SLC9B1: variants seen among roughly 807,000 people sequenced by gnomAD.
SLC9B1 encodes solute carrier family 9 member B1, also known as sodium/hydrogen exchanger 9B1.
A neutral mutation model predicts 51.7 loss-of-function variants in SLC9B1; 32 were observed. That is an observed-to-expected ratio of 0.62 (90% confidence interval 0.47 to 0.83). The LOEUF is 0.83. Among genes scored for constraint, SLC9B1 ranks in the 40% least tolerant of loss-of-function variants. The pLI, the probability that SLC9B1 is intolerant of heterozygous loss-of-function variation, is 0.00. For missense variants in SLC9B1, 406 were observed against 613.2 expected (o/e 0.66, Z 3.57); for synonymous variants, 145 against 212.7 (o/e 0.68, Z 2.77).
At chr4:102,969,362 G>T (rs1738619936) in intron 3 of SLC9B1, among the ~76,000 whole-genome samples, 1 of 152,192 alleles carries the variant, frequency 6.6e-6, no homozygotes, top group South Asian at 2.1e-4. Context: ...GTCTGGAGTG[G>T]ACCTCCAGCA....
In SLC9B1 at chr4:102,942,066, A is replaced by AAAAC. The variant is rs888708665; in HGVS notation, c.653+3123_653+3126dup. Among the ~76,000 whole-genome samples the AAAAC allele has an allele frequency of 1.1e-4, 16 of 152,214 alleles. No individual in the cohort carries two copies. In the South Asian group the frequency reaches 2.7e-3, roughly 26 times the overall value. On this transcript the variant is annotated intron_variant, in intron 6 of 11. Coordinates refer to ENST00000296422, the MANE Select transcript of SLC9B1 (RefSeq NM_139173.4). ...CTCAACCCCTTTTACAACAGCTGCA[A>AAAAC]AAACAAACAAACAAACAACAAACAA...
intron 1 of SLC9B1, among the ~76,000 whole-genome samples, chr4:103,010,997 A>C (rs1180041471): frequency 6.6e-6 from 1 of 152,158 alleles, no homozygotes; most frequent in East Asian, 1.9e-4. Context: ...TCCGATACCA[A>C]CTCAAAAGTC....
chr4:102,922,463 GAT>G (rs1183154775), intron 7 of SLC9B1, among the ~76,000 whole-genome samples: 1 of 152,168 alleles, frequency 6.6e-6, no homozygotes, highest in Non-Finnish European at 1.5e-5. Context: ...AAGCAGGAAA[GAT>G]CTAAAATTGA....
intron 1 of SLC9B1, among the ~76,000 whole-genome samples, chr4:103,006,431 A>G (rs1292072453): frequency 6.6e-6 from 1 of 152,178 alleles, no homozygotes; most frequent in Non-Finnish European, 1.5e-5. Context: ...ACAACCTCCC[A>G]AGATTGAACC....
At chr4:102,994,339 A>G (rs1740107053) in intron 1 of SLC9B1, among the ~76,000 whole-genome samples, 1 of 152,176 alleles carries the variant, frequency 6.6e-6, no homozygotes, top group South Asian at 2.1e-4. Flanking sequence ...AAAGCATAGC[A>G]AGAGTGACCT....
intron 11 of SLC9B1, among the ~76,000 whole-genome samples, chr4:102,886,787 T>A (rs1733946960): frequency 6.6e-6 from 1 of 152,002 alleles, no homozygotes; most frequent in African/African-American, 2.4e-5. Flanking sequence ...CTAACTTTTG[T>A]ATTTTTAGTT....
At chr4:102,960,736 CTTTT>C (rs1172297121) in intron 3 of SLC9B1, among the ~76,000 whole-genome samples, 2 of 142,588 alleles carry the variant, frequency 1.4e-5, no homozygotes, top group Non-Finnish European at 3.1e-5. Flanking sequence ...TTCTTTCTTT[CTTTT>C]TTTTTTTTTG....
chr4:103,004,658 G>GA (rs1303790665), intron 1 of SLC9B1, among the ~76,000 whole-genome samples: 1 of 151,934 alleles, frequency 6.6e-6, no homozygotes, highest in Non-Finnish European at 1.5e-5. Flanking sequence ...CGAAATGAAA[G>GA]AAAAAAGCAT....
chr4:102,971,521 C>A (rs1347838063), intron 3 of SLC9B1, among the ~76,000 whole-genome samples: 1 of 151,872 alleles, frequency 6.6e-6, no homozygotes, highest in Non-Finnish European at 1.5e-5. Context: ...CACTAAATAA[C>A]CACAAGAGAA....
At chr4:103,008,826 G>T (rs537090928) in intron 1 of SLC9B1, among the ~76,000 whole-genome samples, 22 of 130,406 alleles carry the variant, frequency 1.7e-4, no homozygotes, top group African/African-American at 6.4e-4. Flanking sequence ...TTGAGACGGA[G>T]TCTCGCTCTG....
rs181050504 is a variant in SLC9B1 at position 102,943,640 on chromosome 4, G to T, written c.653+1553C>A. 1.4e-3 allele frequency among the ~76,000 whole-genome samples: 208 copies of T among 152,160 alleles called. No homozygotes were observed. In the Middle Eastern group the frequency reaches 0.017, roughly 12 times the overall value. On this transcript the variant is annotated intron_variant, in intron 6 of 11. Coordinates refer to ENST00000296422, the MANE Select transcript of SLC9B1 (RefSeq NM_139173.4). ...CATTATTCTAAGTGAAGTAATTCAG[G>T]AATGAAAAAACCAAACATTGTATGT... is the stretch of plus-strand genomic sequence containing the variant.
intron 9 of SLC9B1, among the ~76,000 whole-genome samples, chr4:102,907,948 C>T (rs1026328349): frequency 4.6e-5 from 7 of 152,178 alleles, no homozygotes; most frequent in African/African-American, 1.7e-4. Context: ...TATTGATTTG[C>T]ATTTCATTCA....
chr4:103,011,052 G>A (rs1361897427), intron 1 of SLC9B1, among the ~76,000 whole-genome samples: 1 of 152,176 alleles, frequency 6.6e-6, no homozygotes, highest in African/African-American at 2.4e-5. Flanking sequence ...TGAGACTCAA[G>A]GTTTGATTCA....
chr4:102,990,695 G>C (rs1469065152), intron 2 of SLC9B1, among the ~76,000 whole-genome samples: 2 of 151,856 alleles, frequency 1.3e-5, no homozygotes, highest in African/African-American at 2.4e-5. Flanking sequence ...CCAGCAATTT[G>C]AGTGACTTGA....
At chr4:103,004,639 C>T (rs1006324809) in intron 1 of SLC9B1, among the ~76,000 whole-genome samples, 6 of 152,064 alleles carry the variant, frequency 3.9e-5, no homozygotes, top group Non-Finnish European at 8.8e-5. Flanking sequence ...CAATCAGATT[C>T]TCCAAGGTCG....
At chr4:103,005,570 A>G (rs4699048) in intron 1 of SLC9B1, among the ~76,000 whole-genome samples, 60,403 of 151,974 alleles carry the variant, frequency 0.4, 12,451 homozygotes, top group African/African-American at 0.52. Context: ...ACTGACAAAG[A>G]TATTTGGGAC....
Position 102,966,990 on chromosome 4 carries a change from C to T in SLC9B1, c.212-17563G>A, listed in dbSNP as rs979739684. On this transcript the variant is annotated intron_variant, in intron 3 of 11. Transcript: ENST00000296422. ...CTCTTAAGTTTGGCCTTCCACAAAA[C>T]CTTAGGGCACAAAGCCTTAGAAACA... 2.6e-5 allele frequency among the ~76,000 whole-genome samples: 4 copies of T among 152,192 alleles called. No homozygotes were observed. In the South Asian group the frequency reaches 6.2e-4, roughly 24 times the overall value.
intron 7 of SLC9B1, among the ~76,000 whole-genome samples, chr4:102,925,270 T>C (rs959501212): frequency 3.9e-5 from 6 of 152,088 alleles, no homozygotes; most frequent in Non-Finnish European, 8.8e-5. Context: ...TGGATGAAGC[T>C]AGAAACCATC....
chr4:102,941,546 A>G (rs1330097956), intron 6 of SLC9B1: 3 of 449,944 alleles, frequency 6.7e-6, no homozygotes, highest in African/African-American at 6.1e-5. Context: ...AGGCTGAGGC[A>G]TGAGAATTGC....
Sources: allele counts gnomAD v4.1 joint callset (sites outside exome capture counted in the v4.1 genomes callset), GRCh38; gene constraint gnomAD v4.1.1; transcripts MANE v1.5; gene names NCBI Gene and HGNC (gene_info 2026-07-23, HGNC 2026-07-21).